Variants in KCNAB1 observed in about 807,000 individuals in gnomAD.
The protein encoded by KCNAB1 is potassium voltage-gated channel subfamily A regulatory beta subunit 1, also known as voltage-gated potassium channel subunit beta-1.
KCNAB1 carries 35 observed loss-of-function variants against 64.6 expected under a neutral mutation model. The ratio of observed to expected loss-of-function variants is 0.54; its 90% CI spans 0.41 to 0.72. KCNAB1 has a LOEUF of 0.72. Among genes scored for constraint, KCNAB1 ranks in the 30% least tolerant of loss-of-function variants. The pLI is 0.00. For missense variants in KCNAB1, 401 were observed against 512.9 expected (o/e 0.78, Z 2.11); for synonymous variants, 177 against 183.8 (o/e 0.96, Z 0.30).
chr3:156,448,183 C>T (rs1711727467), intron 2 of KCNAB1, among the ~76,000 whole-genome samples: 1 of 152,236 alleles, frequency 6.6e-6, no homozygotes, highest in Non-Finnish European at 1.5e-5. Context: ...TCTTTATACT[C>T]TCCCTTCTTT....
intron 2 of KCNAB1, among the ~76,000 whole-genome samples, chr3:156,449,921 C>T (rs755652729): frequency 1.3e-5 from 2 of 152,290 alleles, no homozygotes; most frequent in South Asian, 4.1e-4. Context: ...TTGGGCTAAT[C>T]TTCACTGCTA....
intron 8 of KCNAB1, among the ~76,000 whole-genome samples, chr3:156,499,800 G>T (rs1716263193): frequency 6.6e-6 from 1 of 152,154 alleles, no homozygotes; most frequent in African/African-American, 2.4e-5. Context: ...CCAGCCCAGA[G>T]CCAAGCACAA....
intron 1 of KCNAB1, among the ~76,000 whole-genome samples, chr3:156,244,522 C>T (rs1206864801): frequency 6.6e-6 from 1 of 152,212 alleles, no homozygotes; most frequent in African/African-American, 2.4e-5. Flanking sequence ...ACTGTTCTGA[C>T]TGCCACAGTA....
chr3:156,396,847 G>T (rs1713499489), intron 1 of KCNAB1, among the ~76,000 whole-genome samples: 1 of 152,194 alleles, frequency 6.6e-6, no homozygotes, highest in South Asian at 2.1e-4. Flanking sequence ...TGAGGATTTT[G>T]TTCTAGTGGC....
At chr3:156,437,069 A>AT (rs934607403) in intron 2 of KCNAB1, among the ~76,000 whole-genome samples, 3 of 151,936 alleles carry the variant, frequency 2.0e-5, no homozygotes, top group East Asian at 1.9e-4. Flanking sequence ...TGTCTTGCAT[A>AT]TTTTTTTTAA....
intron 1 of KCNAB1, among the ~76,000 whole-genome samples, chr3:156,224,220 G>A (rs1401951919): frequency 6.6e-6 from 1 of 152,230 alleles, no homozygotes. Flanking sequence ...GCCGCTCTGA[G>A]TGCGGGCCCA....
At chr3:156,368,549 C>G (rs2030574) in intron 1 of KCNAB1, among the ~76,000 whole-genome samples, 4,659 of 152,226 alleles carry the variant, frequency 0.031, 250 homozygotes, top group African/African-American at 0.11. Context: ...CTTGGCCTCT[C>G]AAAACATCAC....
chr3:156,349,084 C>G (rs576538002), intron 1 of KCNAB1, among the ~76,000 whole-genome samples: 1 of 152,304 alleles, frequency 6.6e-6, no homozygotes, highest in East Asian at 1.9e-4. Flanking sequence ...AACTGAGACA[C>G]AGGGAAGTTA....
intron 1 of KCNAB1, among the ~76,000 whole-genome samples, chr3:156,386,057 C>T (rs564956205): frequency 1.3e-5 from 2 of 152,302 alleles, no homozygotes; most frequent in East Asian, 3.9e-4. Context: ...CTCTAGCAGT[C>T]TCAATTCTTG....
Position 156,459,856 on chromosome 3 carries a change from A to G in KCNAB1, c.467A>G (p.Lys156Arg). 1 of 1,610,800 alleles carries G rather than the reference A, an allele frequency of 6.2e-7. No homozygotes were observed. Residue 156 changes from lysine (K) to arginine (R), a missense_variant, in exon 5 of 14, where the codon AAG becomes AGG. By Grantham distance (26) the Lys-to-Arg change is conservative. Transcript: ENST00000490337. ...KAEVILGSII[K>R]KKGWRRSSLV... The stretch of plus-strand genomic sequence containing the variant: ...GAAGTGATTCTGGGGAGCATCATCA[A>G]GAAGAAAGGCTGGAGGTATTGCATT...
rs535931699 is a variant in KCNAB1 at position 156,284,709 on chromosome 3, G to C, written c.276-136907G>C. 4.6e-5 allele frequency among the ~76,000 whole-genome samples: 7 copies of C among 152,160 alleles called. No individual in the cohort carries two copies. The South Asian group carries it at 1.4e-3, about 32-fold the overall frequency. On this transcript the variant is annotated intron_variant, in intron 1 of 13. Transcript: ENST00000490337. Reference sequence around the variant, plus strand: ...AGCCCGTCGGAAAAGTGCAGTATTCGGGTGGGAGTGACCCGATTTTCCAGG... The same window carrying C: ...AGCCCGTCGGAAAAGTGCAGTATTCCGGTGGGAGTGACCCGATTTTCCAGG...
intron 1 of KCNAB1, among the ~76,000 whole-genome samples, chr3:156,179,265 C>A (rs1032745971): frequency 6.6e-6 from 1 of 151,908 alleles, no homozygotes; most frequent in Non-Finnish European, 1.5e-5. Flanking sequence ...TAGTTCCATG[C>A]TAATACTATA....
chr3:156,386,139 G>A (rs1358707372), intron 1 of KCNAB1, among the ~76,000 whole-genome samples: 2 of 152,214 alleles, frequency 1.3e-5, no homozygotes, highest in Non-Finnish European at 2.9e-5. Flanking sequence ...TTTAGAGTAG[G>A]AGTGGAGTTT....
At chr3:156,491,294 G>A (rs558003219) in intron 8 of KCNAB1, among the ~76,000 whole-genome samples, 1 of 152,218 alleles carries the variant, frequency 6.6e-6, no homozygotes, top group South Asian at 2.1e-4. Context: ...AAAGTGACCA[G>A]CAGAGACTGC....
At chr3:156,381,464 A>T (rs1712153353) in intron 1 of KCNAB1, among the ~76,000 whole-genome samples, 1 of 151,970 alleles carries the variant, frequency 6.6e-6, no homozygotes, top group Non-Finnish European at 1.5e-5. Context: ...TAGAGCATTC[A>T]CTCCTTCACC....
At chr3:156,147,199 G>A (rs988347646) in intron 1 of KCNAB1, among the ~76,000 whole-genome samples, 1 of 152,108 alleles carries the variant, frequency 6.6e-6, no homozygotes, top group African/African-American at 2.4e-5. Context: ...GAGGGAAACT[G>A]AGCCCTTTAC....
At chr3:156,512,618 T>A (rs961549405) in intron 8 of KCNAB1, among the ~76,000 whole-genome samples, 1 of 152,210 alleles carries the variant, frequency 6.6e-6, no homozygotes, top group Non-Finnish European at 1.5e-5. Flanking sequence ...AGAATCTATC[T>A]GGGGCAGAGA....
At chr3:156,415,202 A>G (rs1450387821) in intron 1 of KCNAB1, among the ~76,000 whole-genome samples, 1 of 152,198 alleles carries the variant, frequency 6.6e-6, no homozygotes, top group Non-Finnish European at 1.5e-5. Context: ...TTTTGTACCC[A>G]TACCAGAACC....
chr3:156,304,434 G>T (rs1056182408), intron 1 of KCNAB1, among the ~76,000 whole-genome samples: 2 of 152,088 alleles, frequency 1.3e-5, no homozygotes, highest in Non-Finnish European at 2.9e-5. Flanking sequence ...GAACTTAATG[G>T]TATATTATGT....
Sources: allele counts gnomAD v4.1 joint callset (sites outside exome capture counted in the v4.1 genomes callset), GRCh38; gene constraint gnomAD v4.1.1; transcripts MANE v1.5; gene names NCBI Gene and HGNC (gene_info 2026-07-23, HGNC 2026-07-21).